Variants in CSGALNACT1 observed in about 807,000 individuals in gnomAD.
CSGALNACT1 encodes the protein beta4GalNAcT-1.
In CSGALNACT1, 52 loss-of-function variants were observed where a neutral mutation model predicts 51.0. That is an observed-to-expected ratio of 1.02 (90% CI 0.82 to 1.29). The LOEUF (loss-of-function observed/expected upper bound fraction) is 1.29, where lower values mean the gene tolerates loss of function less well. Among genes scored for constraint, CSGALNACT1 ranks in the 50% most tolerant of loss-of-function variants. The pLI is 0.00. For synonymous variants in CSGALNACT1, 341 were observed against 254.4 expected, an observed-to-expected ratio of 1.34 and a Z score of -3.24; for missense variants, 935 against 679.2, an observed-to-expected ratio of 1.38 and a Z score of -4.19.
At chr8:19,426,414 C>T (rs1270530119) in intron 6 of CSGALNACT1, among the ~76,000 whole-genome samples, 1 of 152,124 alleles carries the variant, frequency 6.6e-6, no homozygotes, top group Non-Finnish European at 1.5e-5. Context: ...AAATACACTG[C>T]AATATGGTTC....
intron 6 of CSGALNACT1, among the ~76,000 whole-genome samples, chr8:19,425,536 T>C (rs2058643063): frequency 6.6e-6 from 1 of 152,198 alleles, no homozygotes; most frequent in Non-Finnish European, 1.5e-5. Flanking sequence ...TCTTTTTGCA[T>C]GTAAAACAGA....
chr8:19,487,102 G>A (rs1333637132), intron 4 of CSGALNACT1, among the ~76,000 whole-genome samples: 3 of 152,152 alleles, frequency 2.0e-5, no homozygotes, highest in Non-Finnish European at 4.4e-5. Flanking sequence ...CCCTTCTGAA[G>A]AATTGCCTCA....
intron 4 of CSGALNACT1, among the ~76,000 whole-genome samples, chr8:19,501,610 G>A (rs566610293): frequency 2.0e-5 from 3 of 152,308 alleles, no homozygotes; most frequent in African/African-American, 7.2e-5. Context: ...CCATGGAAAT[G>A]GTAGACACAA....
intron 3 of CSGALNACT1, among the ~76,000 whole-genome samples, chr8:19,579,279 C>T (rs62494465): frequency 1.8e-4 from 28 of 152,210 alleles, no homozygotes; most frequent in Non-Finnish European, 3.1e-4. Flanking sequence ...ATGTCCTCTA[C>T]ACTGCTGAAA....
At chr8:19,469,414 A>C (rs1287724776) in intron 4 of CSGALNACT1, among the ~76,000 whole-genome samples, 1 of 152,104 alleles carries the variant, frequency 6.6e-6, no homozygotes, top group Non-Finnish European at 1.5e-5. Context: ...GAAAGAAAAG[A>C]AAAAAGAAAT....
At chr8:19,611,203 G>A (rs1258476295) in intron 1 of CSGALNACT1, among the ~76,000 whole-genome samples, 1 of 152,210 alleles carries the variant, frequency 6.6e-6, no homozygotes, top group Non-Finnish European at 1.5e-5. Context: ...TCAGGATCAG[G>A]GGAATTCAGC....
exon 10 of CSGALNACT1, chr8:19,404,206 C>A (rs577012605): frequency 7.9e-6 from 3 of 381,048 alleles, no homozygotes; most frequent in South Asian, 4.0e-5. Context: ...TACCACCTTC[C>A]ATTCATGGCC....
intron 1 of CSGALNACT1, among the ~76,000 whole-genome samples, chr8:19,690,100 A>C (rs1418078420): frequency 6.6e-6 from 1 of 152,238 alleles, no homozygotes; most frequent in Non-Finnish European, 1.5e-5. Flanking sequence ...AACTGCAGGT[A>C]TAAATTTACT....
At chr8:19,716,021 G>A (rs2062786197) in intron 1 of CSGALNACT1, among the ~76,000 whole-genome samples, 1 of 152,156 alleles carries the variant, frequency 6.6e-6, no homozygotes, top group South Asian at 2.1e-4. Context: ...AGGGAATGAG[G>A]GTCGGAGGTT....
intron 3 of CSGALNACT1, among the ~76,000 whole-genome samples, chr8:19,582,766 ACTAAGGT>A (rs2045856400): frequency 6.6e-6 from 1 of 152,154 alleles, no homozygotes; most frequent in African/African-American, 2.4e-5. Context: ...GAGTCCCTGG[ACTAAGGT>A]ATCCTAGAAA....
At chr8:19,733,494 T>C (rs574404101) in intron 1 of CSGALNACT1, among the ~76,000 whole-genome samples, 2 of 152,036 alleles carry the variant, frequency 1.3e-5, no homozygotes, top group Non-Finnish European at 2.9e-5. Flanking sequence ...TCAAACTTTC[T>C]GAGTTAGGAG....
chr8:19,445,025 G>A (rs1315199124), intron 5 of CSGALNACT1, among the ~76,000 whole-genome samples: 1 of 152,204 alleles, frequency 6.6e-6, no homozygotes, highest in Non-Finnish European at 1.5e-5. Flanking sequence ...TCTGGTGGAA[G>A]AAAGAGCACC....
At chr8:19,738,847 G>C (rs948445930) in intron 1 of CSGALNACT1, among the ~76,000 whole-genome samples, 1 of 151,978 alleles carries the variant, frequency 6.6e-6, no homozygotes, top group African/African-American at 2.4e-5. Context: ...TAAACCTCTA[G>C]ATATAAGTAA....
At chr8:19,599,951 T>G (rs1417106568) in intron 2 of CSGALNACT1, among the ~76,000 whole-genome samples, 1 of 152,228 alleles carries the variant, frequency 6.6e-6, no homozygotes, top group South Asian at 2.1e-4. Flanking sequence ...GAGTTAATTG[T>G]TCCATTCAAA....
intron 8 of CSGALNACT1, among the ~76,000 whole-genome samples, chr8:19,415,850 C>T (rs1294453236): frequency 6.6e-6 from 1 of 152,162 alleles, no homozygotes; most frequent in Non-Finnish European, 1.5e-5. Flanking sequence ...GGAAAGGAAG[C>T]GAGAAGTTTC....
chr8:19,404,746 C>T (rs184553312), exon 10 of CSGALNACT1: 1 of 454,534 alleles, frequency 2.2e-6, no homozygotes. Flanking sequence ...GCGGTCCCTA[C>T]TTCTGAGGAG....
At chr8:19,531,043 G>C (rs755624332) in intron 3 of CSGALNACT1, among the ~76,000 whole-genome samples, 2 of 152,132 alleles carry the variant, frequency 1.3e-5, no homozygotes, top group South Asian at 2.1e-4. Context: ...ATCTGAACCC[G>C]TGGTTTCTTG....
chr8:19,677,431 G>C (rs1301271589), intron 1 of CSGALNACT1, among the ~76,000 whole-genome samples: 1 of 152,248 alleles, frequency 6.6e-6, no homozygotes, highest in South Asian at 2.1e-4. Flanking sequence ...TTTGTAAGAT[G>C]AAAGATATTT....
At chr8:19,652,913 T>G (rs1034073237) in intron 1 of CSGALNACT1, among the ~76,000 whole-genome samples, 1 of 152,012 alleles carries the variant, frequency 6.6e-6, no homozygotes, top group Non-Finnish European at 1.5e-5. Flanking sequence ...CTCTGTGGCC[T>G]TCCAGCTTTC....
Sources: gnomAD v4.1 joint callset for allele counts (sites outside exome capture counted in the v4.1 genomes callset) on GRCh38, gnomAD v4.1.1 for gene constraint, MANE v1.5 for transcripts, NCBI Gene and HGNC (gene_info 2026-07-23, HGNC 2026-07-21) for gene names.